RARB: variants seen among roughly 807,000 people sequenced by gnomAD.
The protein encoded by RARB is HBV-activated protein.
Under a neutral mutation model 51.9 loss-of-function variants are expected in RARB, and 17 were observed. That is an observed-to-expected ratio of 0.33 (90% CI 0.22 to 0.49). The LOEUF (loss-of-function observed/expected upper bound fraction) is 0.49. Among genes scored for constraint, RARB ranks in the 20% least tolerant of loss-of-function variants. The pLI, the probability that RARB is intolerant of heterozygous loss-of-function variation, is 0.99. For synonymous variants in RARB, 215 were observed against 195.4 expected, an observed-to-expected ratio of 1.10 and a Z score of -0.84; for missense variants, 369 against 550.8, an observed-to-expected ratio of 0.67 and a Z score of 3.30.
intron 3 of RARB, among the ~76,000 whole-genome samples, chr3:25,564,415 C>G (rs1700401199): frequency 6.6e-6 from 1 of 152,212 alleles, no homozygotes; most frequent in South Asian, 2.1e-4. Flanking sequence ...TAAATCACAT[C>G]TGTGACCCCC....
chr3:25,000,783 C>A (rs948762572), intron 2 of RARB, among the ~76,000 whole-genome samples: 11 of 152,112 alleles, frequency 7.2e-5, no homozygotes, highest in African/African-American at 2.7e-4. Context: ...AATAATTGTA[C>A]TCTTACAAAT....
chr3:24,901,899 A>G (rs1452608502), intron 2 of RARB, among the ~76,000 whole-genome samples: 1 of 152,108 alleles, frequency 6.6e-6, no homozygotes, highest in Non-Finnish European at 1.5e-5. Flanking sequence ...GTTAATAATA[A>G]TAAGTTGGTG....
At chr3:25,545,678 G>A (rs1423330923) in intron 3 of RARB, among the ~76,000 whole-genome samples, 2 of 152,054 alleles carry the variant, frequency 1.3e-5, no homozygotes, top group East Asian at 1.9e-4. Flanking sequence ...CTCCTCCCTG[G>A]GTAGCTACAA....
chr3:25,448,618 C>T (rs1351519320), intron 1 of RARB, among the ~76,000 whole-genome samples: 1 of 152,110 alleles, frequency 6.6e-6, no homozygotes, highest in East Asian at 1.9e-4. Flanking sequence ...CAGGCATGCA[C>T]CACCACACCC....
At chr3:25,361,267 A>C (rs7633308) in intron 5 of RARB, among the ~76,000 whole-genome samples, 1 of 152,064 alleles carries the variant, frequency 6.6e-6, no homozygotes, top group South Asian at 2.1e-4. Flanking sequence ...TGATTTATCA[A>C]TTCAGCTATT....
rs578184451 is a variant in RARB, at chr3:25,554,263, G to A, written c.449-15495G>A. 1.3e-4 allele frequency among the ~76,000 whole-genome samples: 20 copies of A among 150,922 alleles called. No homozygotes were observed. The South Asian group carries it at 2.1e-3, about 16-fold the overall frequency. ...AAAACAAAAAAACATGAGGGGGTGAGTATTAATTGTTTTATTTTTTGTTAA... is the reference window on the plus strand; with the variant it reads ...AAAACAAAAAAACATGAGGGGGTGAATATTAATTGTTTTATTTTTTGTTAA... On this transcript the variant is annotated intron_variant, in intron 3 of 7. Transcript: ENST00000330688.
At chr3:25,119,437 T>C (rs1699743379) in intron 3 of RARB, among the ~76,000 whole-genome samples, 1 of 152,130 alleles carries the variant, frequency 6.6e-6, no homozygotes, top group African/African-American at 2.4e-5. Flanking sequence ...ATGGGTGTAT[T>C]GTGAGGATTA....
intron 5 of RARB, among the ~76,000 whole-genome samples, chr3:25,258,587 T>A (rs1308867394): frequency 6.6e-6 from 1 of 152,090 alleles, no homozygotes; most frequent in Non-Finnish European, 1.5e-5. Flanking sequence ...GTGGTTTTGG[T>A]TGTCATGGTG....
intron 5 of RARB, among the ~76,000 whole-genome samples, chr3:25,308,117 C>T (rs1458066843): frequency 6.6e-6 from 1 of 152,170 alleles, no homozygotes; most frequent in East Asian, 1.9e-4. Context: ...AGAGTAGATA[C>T]TATGGAACTT....
At chr3:25,595,496 GT>G (rs1701784865) in intron 7 of RARB, among the ~76,000 whole-genome samples, 1 of 152,206 alleles carries the variant, frequency 6.6e-6, no homozygotes, top group Non-Finnish European at 1.5e-5. Flanking sequence ...AAGAGTAGAA[GT>G]AAACAGCAGA....
At chr3:25,343,659 T>C (rs1034342685) in intron 5 of RARB, among the ~76,000 whole-genome samples, 3 of 152,220 alleles carry the variant, frequency 2.0e-5, no homozygotes, top group Non-Finnish European at 4.4e-5. Flanking sequence ...TTACAGTGTT[T>C]GATACACTAA....
At chr3:25,567,857 A>G (rs907482363) in intron 3 of RARB, among the ~76,000 whole-genome samples, 3 of 152,104 alleles carry the variant, frequency 2.0e-5, no homozygotes, top group African/African-American at 7.2e-5. Context: ...GCGCACTCAC[A>G]CACAAGCCTT....
chr3:25,529,172 TA>T (rs1698788372), intron 3 of RARB, among the ~76,000 whole-genome samples: 1 of 152,164 alleles, frequency 6.6e-6, no homozygotes, highest in African/African-American at 2.4e-5. Flanking sequence ...GAAAGAGGCA[TA>T]TACCTAGTGA....
At chr3:24,976,834 C>T (rs1328573807) in intron 2 of RARB, among the ~76,000 whole-genome samples, 1 of 152,096 alleles carries the variant, frequency 6.6e-6, no homozygotes, top group Non-Finnish European at 1.5e-5. Flanking sequence ...AAGTCCTTGC[C>T]CATGCCTATG....
chr3:25,369,524 G>T (rs2125470782), intron 5 of RARB, among the ~76,000 whole-genome samples: 1 of 152,302 alleles, frequency 6.6e-6, no homozygotes, highest in Middle Eastern at 3.4e-3. Context: ...ATATTTGGCA[G>T]TATTTGCCAA....
At chr3:25,399,186 A>T (rs149821344) in intron 5 of RARB, among the ~76,000 whole-genome samples, 273 of 152,074 alleles carry the variant, frequency 1.8e-3, no homozygotes, top group Middle Eastern at 6.8e-3. Context: ...TGAGAAATAA[A>T]CCCCCTGGGC....
At chr3:24,931,024 A>C (rs1695426661) in intron 2 of RARB, among the ~76,000 whole-genome samples, 1 of 152,076 alleles carries the variant, frequency 6.6e-6, no homozygotes, top group African/African-American at 2.4e-5. Flanking sequence ...GAAAAAAGAA[A>C]AGAGGAAACT....
intron 5 of RARB, among the ~76,000 whole-genome samples, chr3:25,306,718 G>C (rs534886130): frequency 6.6e-6 from 1 of 152,302 alleles, no homozygotes; most frequent in East Asian, 1.9e-4. Flanking sequence ...GGGAAAAAAA[G>C]CTGAATCTTT....
At chr3:25,289,345 A>G (rs1232041647) in intron 5 of RARB, among the ~76,000 whole-genome samples, 1 of 152,206 alleles carries the variant, frequency 6.6e-6, no homozygotes, top group Non-Finnish European at 1.5e-5. Flanking sequence ...TGGCTTTATT[A>G]ACAAGGGGCT....
Sources: gnomAD v4.1 joint callset for allele counts (sites outside exome capture counted in the v4.1 genomes callset) on GRCh38, gnomAD v4.1.1 for gene constraint, MANE v1.5 for transcripts, NCBI Gene and HGNC (gene_info 2026-07-23, HGNC 2026-07-21) for gene names.